The following PTPRD variants were observed in gnomAD, a reference collection of about 807,000 sequenced individuals.
PTPRD encodes protein tyrosine phosphatase receptor type D, also known as receptor-type tyrosine-protein phosphatase delta.
PTPRD carries 34 observed loss-of-function variants against 214.5 expected under a neutral mutation model. That is an observed-to-expected ratio of 0.16 (90% CI 0.12 to 0.21). PTPRD has a LOEUF of 0.21. PTPRD is among the 10% of genes least tolerant of loss of function. The pLI, the probability that PTPRD is intolerant of heterozygous loss-of-function variation, is 1.00. For missense variants in PTPRD, 2,545 were observed against 2,398.7 expected, an observed-to-expected ratio of 1.06 and a Z score of -1.27; for synonymous variants, 1,128 against 845.7, an observed-to-expected ratio of 1.33 and a Z score of -5.79.
At chr9:9,452,819 T>C (rs1051618662) in intron 8 of PTPRD, among the ~76,000 whole-genome samples, 8 of 151,544 alleles carry the variant, frequency 5.3e-5, no homozygotes, top group African/African-American at 1.9e-4. Flanking sequence ...ATGCAATTTA[T>C]TAAAGAACAC....
At chr9:8,499,409 T>G (rs532971342) in intron 25 of PTPRD, among the ~76,000 whole-genome samples, 10 of 152,310 alleles carry the variant, frequency 6.6e-5, no homozygotes, top group African/African-American at 1.7e-4. Flanking sequence ...AATATCTGTA[T>G]TTTAAGGAAA....
intron 7 of PTPRD, among the ~76,000 whole-genome samples, chr9:9,580,943 T>C (rs2090590603): frequency 6.6e-6 from 1 of 152,104 alleles, no homozygotes; most frequent in South Asian, 2.1e-4. Flanking sequence ...GTCAGTTGTG[T>C]TGTTGTCAAA....
At chr9:9,514,375 A>G (rs2096784053) in intron 8 of PTPRD, among the ~76,000 whole-genome samples, 1 of 152,080 alleles carries the variant, frequency 6.6e-6, no homozygotes, top group East Asian at 1.9e-4. Context: ...GGTCCTGGCA[A>G]CTGTCAGTTT....
At chr9:10,268,406 T>C (rs1564901516) in intron 3 of PTPRD, among the ~76,000 whole-genome samples, 1 of 151,958 alleles carries the variant, frequency 6.6e-6, no homozygotes, top group Non-Finnish European at 1.5e-5. Flanking sequence ...AACTATGTAT[T>C]ATACTAATAG....
intron 7 of PTPRD, among the ~76,000 whole-genome samples, chr9:9,728,394 C>T (rs1371654918): frequency 2.0e-5 from 3 of 152,086 alleles, no homozygotes; most frequent in Non-Finnish European, 4.4e-5. Context: ...TAATTGTATA[C>T]AATTATTTTT....
At chr9:10,344,340 G>C (rs1012222218) in intron 2 of PTPRD, among the ~76,000 whole-genome samples, 1 of 152,046 alleles carries the variant, frequency 6.6e-6, no homozygotes, top group African/African-American at 2.4e-5. Flanking sequence ...GATGGTTGTA[G>C]ATGTGTGGTG....
intron 12 of PTPRD, among the ~76,000 whole-genome samples, chr9:8,708,805 G>T (rs1383318614): frequency 6.6e-6 from 1 of 151,216 alleles, no homozygotes; most frequent in Non-Finnish European, 1.5e-5. Flanking sequence ...CCTGTTTATT[G>T]CAGTAATACT....
intron 11 of PTPRD, among the ~76,000 whole-genome samples, chr9:8,962,557 C>T (rs534114816): frequency 7.5e-6 from 1 of 132,768 alleles, no homozygotes; most frequent in African/African-American, 2.6e-5. Context: ...AGAGAGAGAG[C>T]GAGAGCACTC....
intron 9 of PTPRD, among the ~76,000 whole-genome samples, chr9:9,375,498 A>C (rs1251544204): frequency 6.6e-6 from 1 of 152,158 alleles, no homozygotes; most frequent in Non-Finnish European, 1.5e-5. Context: ...CGGGAGGCTG[A>C]GGCAGAAGAA....
At chr9:10,320,936 G>A (rs773045721) in intron 3 of PTPRD, among the ~76,000 whole-genome samples, 19 of 151,874 alleles carry the variant, frequency 1.3e-4, no homozygotes, top group South Asian at 8.3e-4. Flanking sequence ...CCATGTTGCC[G>A]AGGCTGGTCT....
chr9:9,362,492 G>A (rs1000172553), intron 9 of PTPRD, among the ~76,000 whole-genome samples: 5 of 151,060 alleles, frequency 3.3e-5, no homozygotes, highest in Non-Finnish European at 7.4e-5. Flanking sequence ...GAGCAAGAAT[G>A]GGGTCCCTTG....
chr9:9,596,462 C>T (rs1037891249), intron 7 of PTPRD, among the ~76,000 whole-genome samples: 1 of 151,826 alleles, frequency 6.6e-6, no homozygotes, highest in Non-Finnish European at 1.5e-5. Flanking sequence ...GAAAATCTTG[C>T]CTTTTTATTT....
chr9:9,583,246 C>G (rs762758060), intron 7 of PTPRD, among the ~76,000 whole-genome samples: 1 of 151,976 alleles, frequency 6.6e-6, no homozygotes, highest in African/African-American at 2.4e-5. Flanking sequence ...CATCAAACAA[C>G]TCATTTAGCA....
chr9:10,118,230 A>G (rs1414895789), intron 3 of PTPRD, among the ~76,000 whole-genome samples: 3 of 151,450 alleles, frequency 2.0e-5, no homozygotes, highest in African/African-American at 7.3e-5. Context: ...CTATCTATCT[A>G]TCTACATATA....
chr9:8,803,748 A>G (rs1446682476), intron 11 of PTPRD, among the ~76,000 whole-genome samples: 1 of 151,966 alleles, frequency 6.6e-6, no homozygotes, highest in African/African-American at 2.4e-5. Flanking sequence ...TAAAAAAAAA[A>G]AAGAAAAGAA....
chr9:8,628,505 C>A (rs568490015), intron 14 of PTPRD, among the ~76,000 whole-genome samples: 1 of 151,094 alleles, frequency 6.6e-6, no homozygotes, highest in East Asian at 2.0e-4. Flanking sequence ...TTCCATCTTG[C>A]AAGAACTGAC....
At chr9:9,017,503 G>A (rs1190284948) in intron 11 of PTPRD, among the ~76,000 whole-genome samples, 5 of 152,100 alleles carry the variant, frequency 3.3e-5, no homozygotes, top group Admixed American at 2.6e-4. Context: ...TTTAACATAT[G>A]CTTTCCGCAG....
intron 12 of PTPRD, among the ~76,000 whole-genome samples, chr9:8,716,959 A>G (rs2048759331): frequency 2.0e-5 from 3 of 152,150 alleles, no homozygotes; most frequent in Admixed American, 2.0e-4. Context: ...TAAGCCCAAG[A>G]GTTCAAGACC....
At chr9:9,675,539 G>C (rs1299295526) in intron 7 of PTPRD, among the ~76,000 whole-genome samples, 1 of 151,702 alleles carries the variant, frequency 6.6e-6, no homozygotes, top group Non-Finnish European at 1.5e-5. Context: ...ACTTAGTACT[G>C]CATTTTTATA....
Sources: gnomAD v4.1 joint callset for allele counts (sites outside exome capture counted in the v4.1 genomes callset) on GRCh38, gnomAD v4.1.1 for gene constraint, MANE v1.5 for transcripts, NCBI Gene and HGNC (gene_info 2026-07-23, HGNC 2026-07-21) for gene names.